Variants in ACSF3 observed in about 807,000 individuals in gnomAD.
The protein encoded by ACSF3 is malonate--CoA ligase ACSF3, mitochondrial.
ACSF3 carries 78 observed loss-of-function variants against 53.2 expected under a neutral mutation model. That is an observed-to-expected ratio of 1.47 (90% confidence interval 1.22 to 1.77). ACSF3 has a LOEUF of 1.77. ACSF3 is among the 40% of genes most tolerant of loss of function. The pLI is 0.00. For missense variants in ACSF3, 937 were observed against 771.1 expected (o/e 1.22, Z -2.55); for synonymous variants, 414 against 333.1 (o/e 1.24, Z -2.65).
chr16:89,128,856 C>T (rs1197991262), intron 7 of ACSF3, among the ~76,000 whole-genome samples: 1 of 152,064 alleles, frequency 6.6e-6, no homozygotes, highest in Admixed American at 6.6e-5. Context: ...TGCCCAGGCG[C>T]AGTGGCTCAC....
At chr16:89,143,300 C>T (rs1912241148) in intron 8 of ACSF3, among the ~76,000 whole-genome samples, 1 of 152,124 alleles carries the variant, frequency 6.6e-6, no homozygotes. Context: ...ACAGGCAGCT[C>T]AAGAGGGTGC....
At chr16:89,137,954 G>A (rs1910967988) in intron 8 of ACSF3, among the ~76,000 whole-genome samples, 1 of 152,196 alleles carries the variant, frequency 6.6e-6, no homozygotes, top group Non-Finnish European at 1.5e-5. Context: ...GTGTCCCTGG[G>A]CACCCCAGAA....
intron 7 of ACSF3, chr16:89,122,423 C>G: frequency 2.2e-6 from 1 of 452,702 alleles, no homozygotes; most frequent in South Asian, 1.6e-5. Flanking sequence ...GGATTCCTGC[C>G]TCTGCCCTGC....
At chr16:89,129,907 C>T (rs187916846) in intron 7 of ACSF3, among the ~76,000 whole-genome samples, 8 of 152,336 alleles carry the variant, frequency 5.3e-5, no homozygotes, top group African/African-American at 1.9e-4. Context: ...GTTACTTACC[C>T]TCTGCCTTTA....
At chr16:89,119,045 T>TCCCTCAA (rs1905934972) in intron 6 of ACSF3, among the ~76,000 whole-genome samples, 4 of 151,236 alleles carry the variant, frequency 2.6e-5, no homozygotes, top group Non-Finnish European at 5.9e-5. Context: ...TGGGGGCCCC[T>TCCCTCAA]GCCTCAAGCT....
intron 7 of ACSF3, 64 bp downstream of exon 7, chr16:89,120,977 T>C: frequency 7.1e-7 from 1 of 1,414,810 alleles, no homozygotes. Context: ...CCAGGGTGGT[T>C]ACACTGGTGC....
chr16:89,137,463 C>A (rs1365747672), intron 8 of ACSF3, among the ~76,000 whole-genome samples: 4 of 133,116 alleles, frequency 3.0e-5, no homozygotes. Context: ...TCGGGAGGAC[C>A]ACCAGGAGCT....
At chr16:89,095,302 T>C (rs1337918747) in intron 1 of ACSF3, 13 of 150,714 alleles carry the variant, frequency 8.6e-5, no homozygotes, top group Admixed American at 5.2e-4. Context: ...CTTGGGATAG[T>C]TGTAAGTGTC....
In ACSF3 at chr16:89,121,115, C is replaced by T. The variant is rs571279174; in HGVS notation, c.1239+202C>T. On this transcript the variant is annotated intron_variant, in intron 7 of 10. Coordinates refer to ENST00000614302, the MANE Select transcript of ACSF3 (RefSeq NM_001243279.3). ...CCTGCCTGCTGCGTGTCCGTCTGTG[C>T]GTTCACAGAGCAGTGGGCAGAGGGA... 3.4e-4 allele frequency among the ~76,000 whole-genome samples: 52 copies of T among 152,364 alleles called. 1 individual carries two copies. The highest frequency in any genetic ancestry group is 1.2e-3 in the African/African-American group (50 of 41,588).
chr16:89,102,278 C>T lies in ACSF3; in HGVS notation c.667-326C>T, dbSNP rs534042055. The T allele has an allele frequency of 1.5e-5, 6 of 410,516 alleles. 1 individual carries two copies. The highest frequency in any genetic ancestry group is 1.1e-4 in the South Asian group (5 of 46,400). The allele number at this position is 410,516 out of a possible 1,614,324, so 25.4% of individuals were successfully genotyped here. A position where few individuals can be genotyped will look rare whatever the true frequency, so the allele number is the denominator to read the frequency against. Reference sequence around the variant, plus strand: ...GATTCCAGCCTGAATGGCGCTGGGTCCCTGAGTCCCAGGCTTGGGCAGGGG... The same window carrying T: ...GATTCCAGCCTGAATGGCGCTGGGTTCCTGAGTCCCAGGCTTGGGCAGGGG... On this transcript the variant is annotated intron_variant, in intron 3 of 10. Transcript: ENST00000614302.
intron 10 of ACSF3, among the ~76,000 whole-genome samples, chr16:89,147,175 A>C: frequency 8.9e-6 from 1 of 112,186 alleles, no homozygotes; most frequent in Non-Finnish European, 1.9e-5. Flanking sequence ...GGGAGGGTCC[A>C]CAGAGGGAGG....
chr16:89,141,227 G>A (rs982445886), intron 8 of ACSF3: 9 of 1,287,246 alleles, frequency 7.0e-6, no homozygotes, highest in Non-Finnish European at 8.1e-6. Context: ...TCCCAGCCTG[G>A]AAGAACAAAA....
At position 89,155,826 on chromosome 16, in the gene ACSF3, T is replaced by C. The variant is rs150669250; in HGVS notation, c.*1619T>C. On this transcript the variant is annotated 3_prime_UTR_variant, in exon 11 of 11. Transcript: ENST00000614302. Reference sequence around the variant, plus strand: ...TTTGATTCCTAAAAAGCTTACATAATCATTTGCTTTATCCGATAGTATACA... The same window carrying C: ...TTTGATTCCTAAAAAGCTTACATAACCATTTGCTTTATCCGATAGTATACA... 23 of 453,018 alleles carry C rather than the reference T, an allele frequency of 5.1e-5. No homozygotes were observed. The highest frequency in any genetic ancestry group is 4.0e-4 in the African/African-American group (20 of 49,986). 28.1% of individuals were successfully genotyped at this position (453,018 alleles called of 1,614,324 possible). A position where few individuals can be genotyped will look rare whatever the true frequency, so the allele number is the denominator to read the frequency against.
At chr16:89,140,992 G>T in intron 8 of ACSF3, 3 of 1,164,996 alleles carry the variant, frequency 2.6e-6, no homozygotes, top group Non-Finnish European at 3.3e-6. Context: ...TCCGATTCCA[G>T]AATCGATGCA....
intron 4 of ACSF3, among the ~76,000 whole-genome samples, chr16:89,109,044 C>CCAA (rs1174533938): frequency 1.3e-5 from 2 of 151,940 alleles, no homozygotes; most frequent in Non-Finnish European, 2.9e-5. Flanking sequence ...ACCAGCCTGA[C>CCAA]CAACAGGGTG....
intron 7 of ACSF3, among the ~76,000 whole-genome samples, chr16:89,124,655 A>G (rs1907585991): frequency 6.7e-6 from 1 of 149,998 alleles, no homozygotes; most frequent in Admixed American, 6.6e-5. Flanking sequence ...GTATGTGATA[A>G]CTGTGCACGC....
At chr16:89,146,967 A>G (rs1157781680) in intron 10 of ACSF3, among the ~76,000 whole-genome samples, 1 of 152,140 alleles carries the variant, frequency 6.6e-6, no homozygotes, top group Non-Finnish European at 1.5e-5. Flanking sequence ...TTTCACCTAC[A>G]GTAATTTCTT....
intron 7 of ACSF3, among the ~76,000 whole-genome samples, chr16:89,124,003 C>G (rs548095865): frequency 9.2e-6 from 1 of 109,052 alleles, no homozygotes; most frequent in African/African-American, 3.2e-5. Flanking sequence ...GCAGTGCACA[C>G]ACAGGTATCA....
At chr16:89,094,446 G>GCATGTAGAT (rs1974374358) in intron 1 of ACSF3, among the ~76,000 whole-genome samples, 1 of 152,236 alleles carries the variant, frequency 6.6e-6, no homozygotes, top group Admixed American at 6.5e-5. Context: ...GCCCCTGAGG[G>GCATGTAGAT]CATGTAGATC....
Sources: allele counts gnomAD v4.1 joint callset (sites outside exome capture counted in the v4.1 genomes callset), GRCh38; gene constraint gnomAD v4.1.1; transcripts MANE v1.5; gene names NCBI Gene and HGNC (gene_info 2026-07-23, HGNC 2026-07-21).